Variants in APBB2 observed in about 807,000 individuals in gnomAD.
The protein encoded by APBB2 is Fe65-like 1.
APBB2 carries 38 observed loss-of-function variants against 82.5 expected under a neutral mutation model. The ratio of observed to expected loss-of-function variants is 0.46; its 90% CI spans 0.36 to 0.60. The LOEUF (loss-of-function observed/expected upper bound fraction) is 0.60, where lower values mean the gene tolerates loss of function less well. APBB2 is among the 20% of genes least tolerant of loss of function. The probability of loss-of-function intolerance (pLI) is 0.00; values close to 1 mark genes in which losing one functional copy is unlikely to be tolerated. For synonymous variants in APBB2, 341 were observed against 368.2 expected (o/e 0.93, Z 0.85); for missense variants, 772 against 972.3 (o/e 0.79, Z 2.74).
At position 40,822,010 on chromosome 4, in the gene APBB2, A is replaced by T. The variant is rs753735850; in HGVS notation, c.1973T>A (p.Leu658Gln). Residue 658 changes from leucine (L) to glutamine (Q), a missense_variant, in exon 17 of 18, where the codon CTG becomes CAG. Leu to Gln is a moderately radical substitution (Grantham distance 113, BLOSUM62 -2). Transcript: ENST00000508593. ...EVLVECRVRF[L>Q]SFMGVGKDVH... ...GTCCTTCCCAACACCCATGAAGGAC[A>T]GGAATCGCACACGACATTCCACTAA... is the stretch of plus-strand genomic sequence containing the variant. 4 of 1,614,216 alleles carry T rather than the reference A, an allele frequency of 2.5e-6. No individual in the cohort carries two copies. Among genetic ancestry groups the T allele is most frequent in the Non-Finnish European group, 3.4e-6 (4 of 1,180,040 alleles).
In APBB2 at chr4:40,832,621, C is replaced by G. The variant is rs967366389; in HGVS notation, c.1530-2044G>C. Among the ~76,000 whole-genome samples, 3 of 152,202 alleles carry G rather than the reference C, an allele frequency of 2.0e-5. No individual in the cohort carries two copies. Among genetic ancestry groups the G allele is most frequent in the Non-Finnish European group, 4.4e-5 (3 of 68,034 alleles). ...CCCCTCACCACGCAGCCATTCTAAG[C>G]TGCTCTTCGCCTCCCTGCCTGTGCT... On this transcript the variant is annotated intron_variant, in intron 12 of 17. Coordinates refer to ENST00000508593, the MANE Select transcript of APBB2 (RefSeq NM_004307.2). This position sits in a 1 kb window ranked among gnomAD's most constrained non-coding sequence, Gnocchi z 4.8.
rs373640402 is a variant in APBB2, at chr4:40,952,953, ACAG to A, written c.836-7883_836-7881del. ...TCCCCATTTCTAGGGCTCAGAGAGG[ACAG>A]CAGATGGGTTTACAGCCAAAAAGGT... On this transcript the variant is annotated intron_variant, in intron 6 of 17. Transcript: ENST00000508593. Among the ~76,000 whole-genome samples, 85 of 152,272 alleles carry A rather than the reference ACAG, an allele frequency of 5.6e-4. 3 individuals are homozygous for A. The East Asian group carries it at 0.014, about 26-fold the overall frequency.
chr4:40,822,110 C>A (rs1426023043), intron 16 of APBB2, 60 bp from the exon 17 acceptor site: 1 of 1,583,352 alleles, frequency 6.3e-7, no homozygotes, highest in Non-Finnish European at 8.6e-7. Context: ...TTAAGAGTGG[C>A]AGCACATAGG....
chr4:40,991,803 C>A (rs748139889), intron 6 of APBB2, among the ~76,000 whole-genome samples: 1 of 152,074 alleles, frequency 6.6e-6, no homozygotes, highest in African/African-American at 2.4e-5. Context: ...AACCTTCAGA[C>A]CCCAGAGGGC....
intron 10 of APBB2, among the ~76,000 whole-genome samples, chr4:40,907,971 GTGTC>G (rs1777493592): frequency 6.6e-6 from 1 of 151,238 alleles, no homozygotes; most frequent in Admixed American, 6.6e-5. Context: ...GCCCAGGTGT[GTGTC>G]TGTGTGGTGT....
At chr4:41,177,131 C>T (rs988300279) in intron 1 of APBB2, among the ~76,000 whole-genome samples, 1 of 152,168 alleles carries the variant, frequency 6.6e-6, no homozygotes, top group African/African-American at 2.4e-5. Context: ...TTTTGTGGTT[C>T]CCATCTGTGA....
In APBB2 at chr4:41,140,587, C is replaced by T. The variant is rs139590380; in HGVS notation, c.-261+2400G>A. Among the ~76,000 whole-genome samples, 3 of 152,314 alleles carry T rather than the reference C, an allele frequency of 2.0e-5. No homozygotes were observed. The East Asian group carries it at 5.8e-4, about 29-fold the overall frequency. Reference sequence around the variant, plus strand: ...GAATACTTATCTGGCCTATCCCCTACACCAGGGGCCCCTGGTACCAGTCTG... The same window carrying T: ...GAATACTTATCTGGCCTATCCCCTATACCAGGGGCCCCTGGTACCAGTCTG... On this transcript the variant is annotated intron_variant, in intron 2 of 17. Transcript: ENST00000508593.
At chr4:41,003,749 G>C (rs1805870654) in intron 6 of APBB2, among the ~76,000 whole-genome samples, 1 of 152,218 alleles carries the variant, frequency 6.6e-6, no homozygotes, top group South Asian at 2.1e-4. Context: ...GTCTCGCTCT[G>C]TTGCTCAGGC....
At position 41,208,271 on chromosome 4, in the gene APBB2, C is replaced by CT. The variant is rs1407563638; in HGVS notation, c.-417+6133dup. 5.9e-5 allele frequency among the ~76,000 whole-genome samples: 9 copies of CT among 152,064 alleles called. No homozygotes were observed. The East Asian group carries it at 1.5e-3, about 26-fold the overall frequency. On this transcript the variant is annotated intron_variant, in intron 1 of 17. Coordinates refer to ENST00000508593, the MANE Select transcript of APBB2 (RefSeq NM_004307.2). Reference sequence around the variant, plus strand: ...TACCTCGATTCCAATATTCTGCATTCTTTTTTTTGAGACAGAGTCTCGCCC... The same window carrying CT: ...TACCTCGATTCCAATATTCTGCATTCTTTTTTTTTGAGACAGAGTCTCGCCC...
At chr4:41,018,156 C>A (rs188172796) in intron 5 of APBB2, among the ~76,000 whole-genome samples, 2 of 152,082 alleles carry the variant, frequency 1.3e-5, no homozygotes, top group Non-Finnish European at 2.9e-5. Flanking sequence ...TTATCATAAT[C>A]TTATAGCTCC....
intron 12 of APBB2, among the ~76,000 whole-genome samples, chr4:40,848,331 T>C (rs943837784): frequency 6.6e-6 from 1 of 152,222 alleles, no homozygotes; most frequent in Non-Finnish European, 1.5e-5. Flanking sequence ...GCATCACGAC[T>C]CATTTTACAA....
At chr4:41,170,864 ATAT>A (rs1380990610) in intron 1 of APBB2, among the ~76,000 whole-genome samples, 2 of 152,250 alleles carry the variant, frequency 1.3e-5, no homozygotes, top group Admixed American at 1.3e-4. Flanking sequence ...CAAAAGCCTG[ATAT>A]TATTTCAAAA....
chr4:41,140,486 C>G (rs1265720091), intron 2 of APBB2, among the ~76,000 whole-genome samples: 1 of 152,164 alleles, frequency 6.6e-6, no homozygotes. Context: ...AACAGAATTC[C>G]TAATTCCATC....
intron 1 of APBB2, among the ~76,000 whole-genome samples, chr4:41,171,489 GA>G (rs1336010563): frequency 6.6e-6 from 1 of 152,136 alleles, no homozygotes; most frequent in East Asian, 1.9e-4. Flanking sequence ...TGAATAAACA[GA>G]ATTTTGGAAG....
chr4:40,882,013 A>G (rs1768764544), intron 12 of APBB2, among the ~76,000 whole-genome samples: 1 of 152,302 alleles, frequency 6.6e-6, no homozygotes, highest in South Asian at 2.1e-4. Flanking sequence ...ACTGCCCTCC[A>G]TATGGTGGAC....
At chr4:40,987,784 T>C (rs1423951970) in intron 6 of APBB2, among the ~76,000 whole-genome samples, 2 of 152,214 alleles carry the variant, frequency 1.3e-5, no homozygotes, top group Non-Finnish European at 2.9e-5. Flanking sequence ...CTGTGAGCTA[T>C]TAAGCCTCTC....
At position 40,822,063 on chromosome 4, in the gene APBB2, T is replaced by C; in HGVS notation, c.1933-13A>G. ...CTTCCTCTTCATTCTGCAAGAGACATTATGCGGCATCCAATCAGGAGATCC... is the reference window on the plus strand; with the variant it reads ...CTTCCTCTTCATTCTGCAAGAGACACTATGCGGCATCCAATCAGGAGATCC... On this transcript the variant is annotated splice_polypyrimidine_tract_variant and intron_variant, in intron 16 of 17. Coordinates refer to ENST00000508593, the MANE Select transcript of APBB2 (RefSeq NM_004307.2). 6.2e-7 allele frequency: 1 copy of C among 1,613,280 alleles called. No homozygotes were observed. Among genetic ancestry groups the C allele is most frequent in the South Asian group, 1.1e-5 (1 of 91,054 alleles).
chr4:41,196,644 A>G, intron 1 of APBB2, among the ~76,000 whole-genome samples: 1 of 146,120 alleles, frequency 6.8e-6, no homozygotes, highest in African/African-American at 2.6e-5. Flanking sequence ...GAGGCTTAGA[A>G]GGTTTGACCA....
chr4:41,141,531 TAACA>T (rs1197782013), intron 2 of APBB2, among the ~76,000 whole-genome samples: 5 of 152,200 alleles, frequency 3.3e-5, no homozygotes, highest in African/African-American at 1.2e-4. Context: ...AGCTCCAGCT[TAACA>T]AACTCACAGA....
Sources: allele counts gnomAD v4.1 joint callset (sites outside exome capture counted in the v4.1 genomes callset), GRCh38; gene constraint gnomAD v4.1.1; non-coding constraint Gnocchi (gnomAD v3.1); transcripts MANE v1.5; gene names NCBI Gene and HGNC (gene_info 2026-07-23, HGNC 2026-07-21).